Variants in SYT17 observed in about 807,000 individuals in gnomAD.
The protein encoded by SYT17 is synaptotagmin-17.
Under a neutral mutation model 46.7 loss-of-function variants are expected in SYT17, and 22 were observed. The observed-to-expected ratio is 0.47, with a 90% CI of 0.34 to 0.67. The LOEUF (loss-of-function observed/expected upper bound fraction) is 0.67. Among genes scored for constraint, SYT17 ranks in the 30% least tolerant of loss-of-function variants. The pLI is 0.01. For synonymous variants in SYT17, 251 were observed against 248.4 expected (o/e 1.01, Z -0.10); for missense variants, 519 against 612.8 (o/e 0.85, Z 1.62).
rs1367775155 is a variant in SYT17 at position 19,266,861 on chromosome 16, C to T, written c.1229-19C>T. 1 of 1,609,400 alleles carries T rather than the reference C, an allele frequency of 6.2e-7. No homozygotes were observed. Among genetic ancestry groups the T allele is most frequent in the South Asian group, 1.1e-5 (1 of 90,432 alleles). On this transcript the variant is annotated intron_variant, in intron 7 of 7. Transcript: ENST00000355377. Reference sequence around the variant, plus strand: ...CTTCCTCTTGCCTCCCTCCTGCCCTCAACCCTCTGGCTCCCTAGTTTTCGG... The same window carrying T: ...CTTCCTCTTGCCTCCCTCCTGCCCTTAACCCTCTGGCTCCCTAGTTTTCGG...
intron 5 of SYT17, 89 bp downstream of exon 5, chr16:19,184,236 T>C: frequency 6.8e-7 from 1 of 1,475,346 alleles, no homozygotes; most frequent in Non-Finnish European, 9.0e-7. Flanking sequence ...AAGGCTTTTT[T>C]GGATTTTTAA....
intron 7 of SYT17, among the ~76,000 whole-genome samples, chr16:19,236,156 A>G (rs577136143): frequency 6.6e-6 from 1 of 152,128 alleles, no homozygotes; most frequent in Non-Finnish European, 1.5e-5. Flanking sequence ...GCAATTCATG[A>G]GGAAGCTGTG....
chr16:19,201,326 A>C (rs534274571), intron 5 of SYT17, among the ~76,000 whole-genome samples: 2 of 152,182 alleles, frequency 1.3e-5, no homozygotes, highest in South Asian at 4.1e-4. Flanking sequence ...TACTTAGGGA[A>C]CTGAGAACCC....
At chr16:19,222,452 C>G (rs1160245910) in intron 5 of SYT17, among the ~76,000 whole-genome samples, 1 of 152,180 alleles carries the variant, frequency 6.6e-6, no homozygotes, top group Non-Finnish European at 1.5e-5. Context: ...AGGGATGTCA[C>G]TGTGCCGAGT....
At chr16:19,194,021 C>T (rs771415253) in intron 5 of SYT17, among the ~76,000 whole-genome samples, 1 of 152,210 alleles carries the variant, frequency 6.6e-6, no homozygotes, top group Non-Finnish European at 1.5e-5. Context: ...TCTCTTGCCA[C>T]CCTCAGGGCT....
At chr16:19,222,702 C>A (rs1463081714) in intron 5 of SYT17, among the ~76,000 whole-genome samples, 1 of 152,196 alleles carries the variant, frequency 6.6e-6, no homozygotes, top group Non-Finnish European at 1.5e-5. Flanking sequence ...GTTTCCTCAT[C>A]TGTTAAACAG....
At chr16:19,256,443 C>CACAA (rs1247020054) in intron 7 of SYT17, among the ~76,000 whole-genome samples, 7 of 115,120 alleles carry the variant, frequency 6.1e-5, no homozygotes, top group African/African-American at 2.0e-4. Context: ...TTCAAACACA[C>CACAA]ACACACACAC....
At chr16:19,224,047 CA>C (rs1260839018) in intron 6 of SYT17, among the ~76,000 whole-genome samples, 55 of 152,262 alleles carry the variant, frequency 3.6e-4, no homozygotes, top group African/African-American at 1.3e-3. Context: ...GTTGTTTAAA[CA>C]AATATTAAAT....
chr16:19,207,451 C>G (rs940850209), intron 5 of SYT17, among the ~76,000 whole-genome samples: 1 of 151,938 alleles, frequency 6.6e-6, no homozygotes, highest in Non-Finnish European at 1.5e-5. Context: ...CTGGGGAGGC[C>G]TCAGGAAACT....
At position 19,216,333 on chromosome 16, in the gene SYT17, G is replaced by A. The variant is rs139581621; in HGVS notation, c.952-6712G>A. 7.5e-3 allele frequency among the ~76,000 whole-genome samples: 1,142 copies of A among 151,266 alleles called. 10 individuals are homozygous for A. The highest frequency in any genetic ancestry group is 0.026 in the African/African-American group (1,072 of 41,256). ...AATAGATTGTGCTTCAGTCTGTCTTGGGTTTCATTTATATTGCTGATTAAT... is the reference window on the plus strand; with the variant it reads ...AATAGATTGTGCTTCAGTCTGTCTTAGGTTTCATTTATATTGCTGATTAAT... On this transcript the variant is annotated intron_variant, in intron 5 of 7. Coordinates refer to ENST00000355377, the MANE Select transcript of SYT17 (RefSeq NM_016524.4).
At chr16:19,189,047 C>T (rs919780179) in intron 5 of SYT17, among the ~76,000 whole-genome samples, 3 of 152,068 alleles carry the variant, frequency 2.0e-5, no homozygotes, top group South Asian at 4.2e-4. Context: ...CCACCACGCC[C>T]GGCTAATTTT....
chr16:19,173,638 A>G, intron 3 of SYT17, 60 bp downstream of exon 3: 1 of 1,576,160 alleles, frequency 6.3e-7, no homozygotes, highest in Non-Finnish European at 8.6e-7. Flanking sequence ...CTTTTTAATG[A>G]GAAGGCGGGT....
intron 1 of SYT17, chr16:19,172,341 T>C: frequency 7.3e-7 from 1 of 1,376,794 alleles, no homozygotes; most frequent in South Asian, 1.9e-5. Context: ...ATCCACTGTG[T>C]GCCTGCCTGC....
At chr16:19,241,578 G>C (rs1567228240) in intron 7 of SYT17, among the ~76,000 whole-genome samples, 1 of 152,186 alleles carries the variant, frequency 6.6e-6, no homozygotes, top group Admixed American at 6.5e-5. Context: ...GTCGCTCTCT[G>C]CCCACTCCTC....
In SYT17 at chr16:19,183,421, G is replaced by T. The variant is rs949266986; in HGVS notation, c.332-107G>T. 4.1e-5 allele frequency: 59 copies of T among 1,448,938 alleles called. 1 individual carries two copies. The South Asian group carries it at 7.2e-4, about 18-fold the overall frequency. 89.8% of individuals were successfully genotyped at this position (1,448,938 alleles called of 1,614,324 possible). Reference sequence around the variant, plus strand: ...TCAGAGTGTGGAGAAAGATGGCAAAGGTCATTCTGAAGCAGAGTAAACAAT... The same window carrying T: ...TCAGAGTGTGGAGAAAGATGGCAAATGTCATTCTGAAGCAGAGTAAACAAT... On this transcript the variant is annotated intron_variant, in intron 4 of 7. Transcript: ENST00000355377. This position sits in a 1 kb window ranked among gnomAD's most constrained non-coding sequence, Gnocchi z 5.6.
At chr16:19,215,083 C>A (rs555763496) in intron 5 of SYT17, among the ~76,000 whole-genome samples, 19 of 152,268 alleles carry the variant, frequency 1.2e-4, no homozygotes, top group South Asian at 4.1e-4. Context: ...CCACCGTGCC[C>A]GGACAAAAAG....
intron 7 of SYT17, among the ~76,000 whole-genome samples, chr16:19,263,480 A>G (rs1032215957): frequency 6.6e-6 from 1 of 151,992 alleles, no homozygotes; most frequent in Non-Finnish European, 1.5e-5. Context: ...TGTCTCTACT[A>G]AAAATACAAA....
intron 5 of SYT17, among the ~76,000 whole-genome samples, chr16:19,201,989 T>C (rs961387507): frequency 2.0e-5 from 3 of 152,210 alleles, no homozygotes; most frequent in Admixed American, 6.5e-5. Flanking sequence ...AGTTTCTTTA[T>C]GTTCATACCT....
At chr16:19,170,417 C>G (rs1045010784) in intron 1 of SYT17, 11 of 152,068 alleles carry the variant, frequency 7.2e-5, no homozygotes, top group African/African-American at 2.7e-4. Context: ...TTGCCAACCT[C>G]TGTTTAGAAT....
Sources: gnomAD v4.1 joint callset for allele counts (sites outside exome capture counted in the v4.1 genomes callset) on GRCh38, gnomAD v4.1.1 for gene constraint, Gnocchi (gnomAD v3.1) non-coding constraint, MANE v1.5 for transcripts, NCBI Gene and HGNC (gene_info 2026-07-23, HGNC 2026-07-21) for gene names.